The following NKAP variants were observed in gnomAD, a reference collection of about 807,000 sequenced individuals.
The protein encoded by NKAP is NF-kappa-B-activating protein.
A neutral mutation model predicts 35.6 loss-of-function variants in NKAP; 4 were observed. The observed-to-expected ratio is 0.11, with a 90% CI of 0.06 to 0.26. NKAP has a LOEUF of 0.26. NKAP is among the 10% of genes least tolerant of loss of function. The pLI, the probability that NKAP is intolerant of heterozygous loss-of-function variation, is 1.00. For missense variants in NKAP, 238 were observed against 321.9 expected (o/e 0.74, Z 1.99); for synonymous variants, 106 against 119.2 (o/e 0.89, Z 0.72).
At chrX:119,926,203 A>G (rs1274832585) in intron 8 of NKAP, among the ~76,000 whole-genome samples, 1 of 93,731 alleles carries the variant, frequency 1.1e-5, no homozygotes, top group African/African-American at 4.0e-5. Flanking sequence ...TGATCCACCC[A>G]CCTCGGCCTC....
intron 1 of NKAP, among the ~76,000 whole-genome samples, chrX:119,940,014 A>G (rs1161221243): frequency 9.2e-6 from 1 of 108,874 alleles, no homozygotes; most frequent in Non-Finnish European, 1.9e-5. Context: ...GAGCCACTGC[A>G]CCTAGTCAAA....
chrX:119,924,032 TTTG>T lies in NKAP; in HGVS notation c.*1185_*1187del, dbSNP rs2056698387. On this transcript the variant is annotated 3_prime_UTR_variant, in exon 9 of 9. Coordinates refer to ENST00000371410, the MANE Select transcript of NKAP (RefSeq NM_024528.4). Reference sequence around the variant, plus strand: ...GTGGGTTAGTTTGCTTTTTGGTTTGTTTGTTGGTTTTAGAGTGGAGGTAGGGAC... The same window carrying T: ...GTGGGTTAGTTTGCTTTTTGGTTTGTTTGGTTTTAGAGTGGAGGTAGGGAC... 8.9e-6 allele frequency: 1 copy of T among 112,554 alleles called. No homozygotes were observed. Among genetic ancestry groups the T allele is most frequent in the South Asian group, 3.6e-4 (1 of 2,774 alleles). 9.3% of individuals were successfully genotyped at this position (112,554 alleles called of 1,213,427 possible). A position where few individuals can be genotyped will look rare whatever the true frequency, so the allele number is the denominator to read the frequency against.
chrX:119,930,938 C>T (rs1022576723), intron 7 of NKAP, among the ~76,000 whole-genome samples: 5 of 110,770 alleles, frequency 4.5e-5, no homozygotes, highest in Non-Finnish European at 7.6e-5. Flanking sequence ...ATCAGGAGTT[C>T]GAGACCATAC....
intron 8 of NKAP, among the ~76,000 whole-genome samples, chrX:119,927,608 G>C (rs1030090343): frequency 1.8e-5 from 2 of 112,020 alleles, no homozygotes; most frequent in African/African-American, 6.5e-5. Context: ...GCCTCCCAAA[G>C]TGCTGGGATT....
Position 119,932,453 on chromosome X carries a change from A to AC in NKAP, c.738-238_738-237insG, listed in dbSNP as rs200644765. ...GGAAACAGAGCAAGACCCCGTCTCT[A>AC]TTAAAAAAAAAAAAAAGTAGCTGGG... On this transcript the variant is annotated intron_variant, in intron 5 of 8. Coordinates refer to ENST00000371410, the MANE Select transcript of NKAP (RefSeq NM_024528.4). The AC allele has an allele frequency of 8.5e-3, 1,893 of 222,936 alleles. 49 individuals carry two copies. Among genetic ancestry groups the AC allele is most frequent in the African/African-American group, 0.071 (1,756 of 24,598 alleles). 18.4% of individuals were successfully genotyped at this position (222,936 alleles called of 1,213,427 possible). A position where few individuals can be genotyped will look rare whatever the true frequency, so the allele number is the denominator to read the frequency against.
chrX:119,924,954 G>A lies in NKAP; in HGVS notation c.*266C>T. On this transcript the variant is annotated 3_prime_UTR_variant, in exon 9 of 9. Coordinates refer to ENST00000371410, the MANE Select transcript of NKAP (RefSeq NM_024528.4). ...ACCCGCCTCAGCCTCCCAAAGTGCT[G>A]GGATTACAGGCGTGAGCAACCGTGC... is the stretch of plus-strand genomic sequence containing the variant. 3.4e-6 allele frequency: 1 copy of A among 297,112 alleles called. No homozygotes were observed. The highest frequency in any genetic ancestry group is 5.8e-6 in the Non-Finnish European group (1 of 171,116). 24.5% of individuals were successfully genotyped at this position (297,112 alleles called of 1,213,427 possible).
intron 8 of NKAP, among the ~76,000 whole-genome samples, chrX:119,928,575 T>C (rs1340067311): frequency 1.8e-5 from 2 of 112,069 alleles, no homozygotes. Context: ...ATGACATTTT[T>C]TTTTTAAGAC....
At chrX:119,933,685 G>T (rs1401163213) in intron 5 of NKAP, among the ~76,000 whole-genome samples, 1 of 106,836 alleles carries the variant, frequency 9.4e-6, no homozygotes, top group Non-Finnish European at 1.9e-5. Flanking sequence ...ATGGGTTTTT[G>T]TTTTTTTTTT....
chrX:119,929,510 T>A (rs1055619668), intron 8 of NKAP, among the ~76,000 whole-genome samples: 15 of 112,286 alleles, frequency 1.3e-4, no homozygotes, highest in African/African-American at 4.5e-4. Context: ...AGTGTCTTTT[T>A]AAAATTTATT....
intron 2 of NKAP, chrX:119,936,986 TGGAG>T (rs775369315): frequency 3.3e-4 from 51 of 154,236 alleles, no homozygotes; most frequent in Admixed American, 6.8e-4. Context: ...CAAAGCAGCA[TGGAG>T]GATTTATATT....
Position 119,930,157 on chromosome X carries a change from T to C in NKAP, c.932A>G (p.His311Arg). ...SQDDKPLNYGHALLPGEGAAM... is the reference protein window; with the variant it reads ...SQDDKPLNYGRALLPGEGAAM... Reference sequence around the variant, plus strand: ...TGCACCTTCACCAGGTAACAGAGCATGGCCATAGCTACAAAGTAATTCAGA... The same window carrying C: ...TGCACCTTCACCAGGTAACAGAGCACGGCCATAGCTACAAAGTAATTCAGA... The change falls in exon 8 of 9, where the codon CAT (histidine) becomes CGT (arginine). Residue 311 changes from histidine to arginine, a missense_variant. Physicochemically the swap from His to Arg is conservative, Grantham distance 29 (BLOSUM62 0). Transcript: ENST00000371410. 3 of 1,191,838 alleles carry C rather than the reference T, an allele frequency of 2.5e-6. No homozygotes were observed. Among genetic ancestry groups the C allele is most frequent in the Non-Finnish European group, 3.4e-6 (3 of 888,491 alleles).
intron 2 of NKAP, chrX:119,936,889 G>A (rs1410664044): frequency 1.7e-5 from 6 of 360,538 alleles, no homozygotes; most frequent in South Asian, 1.2e-4. Flanking sequence ...TTTCATAAAC[G>A]TGCAGTTCAA....
At position 119,943,434 on chromosome X, in the gene NKAP, G is replaced by GGGT. The variant is rs1391411449; in HGVS notation, c.169_171dup (p.Thr57dup). The stretch of plus-strand genomic sequence containing the variant: ...CCTTGGCTGAGGCCACCCAGCTGAT[G>GGGT]GGTGAGTCCATTCCGGTCCCCGGAC... On this transcript the variant is annotated inframe_insertion, in exon 1 of 9. Coordinates refer to ENST00000371410, the MANE Select transcript of NKAP (RefSeq NM_024528.4). 1 of 1,209,932 alleles carries GGGT rather than the reference G, an allele frequency of 8.3e-7. No individual in the cohort carries two copies. The highest frequency in any genetic ancestry group is 1.1e-6 in the Non-Finnish European group (1 of 894,597).
At chrX:119,938,844 T>A in intron 1 of NKAP, 34 bp from the exon 2 acceptor site, 1 of 980,884 alleles carries the variant, frequency 1.0e-6, no homozygotes, top group Non-Finnish European at 1.4e-6. Flanking sequence ...TATAACTCAA[T>A]GGCTGAGTTG....
At position 119,936,413 on chromosome X, in the gene NKAP, G is replaced by T; in HGVS notation, c.557C>A (p.Ser186Tyr). The T allele has an allele frequency of 8.7e-7, 1 of 1,154,570 alleles. No homozygotes were observed. Residue 186 changes from serine to tyrosine, a missense_variant, in exon 4 of 9, where the codon TCT (serine) becomes TAT (tyrosine). Around this residue, in one of 5 missense-constraint regions of NKAP, gnomAD observed 89 missense variants for 91.7 expected, o/e 0.97. Transcript: ENST00000371410. ...CTTGGACCTTTCTTTTGAACGGCTA[G>T]ACTTCTTCTTTTTTTCTTCTAAGAA... Reference protein sequence around the residue: ...STSEEEKKKKSSRSKERSKKR... With the variant: ...STSEEEKKKKYSRSKERSKKR...
At chrX:119,936,268 G>A (rs1267947139) in intron 4 of NKAP, 29 bp downstream of exon 4, 2 of 1,188,455 alleles carry the variant, frequency 1.7e-6, no homozygotes, top group Middle Eastern at 3.1e-4. Context: ...TTTGAAGCAA[G>A]GCTTGCAGAA....
chrX:119,927,059 C>T (rs1456699300), intron 8 of NKAP, among the ~76,000 whole-genome samples: 3 of 43,607 alleles, frequency 6.9e-5, no homozygotes, highest in South Asian at 3.1e-3. Context: ...GAAACTAGGT[C>T]TCAAAAAAAA....
intron 1 of NKAP, among the ~76,000 whole-genome samples, chrX:119,940,441 G>A (rs889284516): frequency 9.2e-6 from 1 of 108,282 alleles, no homozygotes; most frequent in African/African-American, 3.3e-5. Flanking sequence ...TGGAAAAGGA[G>A]TGCATTTTGT....
At chrX:119,933,548 A>G (rs1374238613) in intron 5 of NKAP, among the ~76,000 whole-genome samples, 2 of 112,295 alleles carry the variant, frequency 1.8e-5, no homozygotes, top group Non-Finnish European at 3.8e-5. Context: ...AAAGAATACC[A>G]TAAGAATACG....
Sources: gnomAD v4.1 joint callset for allele counts (sites outside exome capture counted in the v4.1 genomes callset) on GRCh38, gnomAD v4.1.1 for gene constraint, gnomAD v4.1.1 regional missense constraint, MANE v1.5 for transcripts, NCBI Gene and HGNC (gene_info 2026-07-23, HGNC 2026-07-21) for gene names.